The following UBE2E2 variants were observed in gnomAD, a reference collection of about 807,000 sequenced individuals.
UBE2E2 encodes the protein ubiquitin-conjugating enzyme E2 E2.
Under a neutral mutation model 24.7 loss-of-function variants are expected in UBE2E2, and 6 were observed. That is an observed-to-expected ratio of 0.24 (90% CI 0.13 to 0.48). The LOEUF is 0.48. Among genes scored for constraint, UBE2E2 ranks in the 20% least tolerant of loss-of-function variants. The pLI is 0.99. For missense variants in UBE2E2, 169 were observed against 245.0 expected, an observed-to-expected ratio of 0.69 and a Z score of 2.07; for synonymous variants, 104 against 83.6, an observed-to-expected ratio of 1.24 and a Z score of -1.33.
At chr3:23,316,779 C>A (rs1458482414) in intron 3 of UBE2E2, among the ~76,000 whole-genome samples, 1 of 152,064 alleles carries the variant, frequency 6.6e-6, no homozygotes, top group African/African-American at 2.4e-5. Context: ...GCTACTGCTG[C>A]TGATCATTTA....
intron 4 of UBE2E2, among the ~76,000 whole-genome samples, chr3:23,506,601 A>G (rs1025660627): frequency 9.2e-5 from 14 of 152,176 alleles, no homozygotes; most frequent in Admixed American, 2.6e-4. Context: ...GAAATCTCCT[A>G]TGTGGTCTTC....
intron 3 of UBE2E2, among the ~76,000 whole-genome samples, chr3:23,445,084 A>G (rs1002734353): frequency 3.3e-5 from 5 of 152,216 alleles, no homozygotes; most frequent in Non-Finnish European, 7.3e-5. Context: ...GGTTGTCATC[A>G]GTCTCTTTCA....
In UBE2E2 at chr3:23,326,712, T is replaced by C. The variant is rs200309171; in HGVS notation, c.227+109400T>C. On this transcript the variant is annotated intron_variant, in intron 3 of 5. Coordinates refer to ENST00000396703, the MANE Select transcript of UBE2E2 (RefSeq NM_152653.4). Reference sequence around the variant, plus strand: ...TTTATACTTTAAGTTCTTGGGTACATGTGCACAACGTGCAGGTTTGTTATA... The same window carrying C: ...TTTATACTTTAAGTTCTTGGGTACACGTGCACAACGTGCAGGTTTGTTATA... Among the ~76,000 whole-genome samples the C allele has an allele frequency of 3.3e-5, 5 of 152,258 alleles. No homozygotes were observed. In the East Asian group the frequency reaches 9.6e-4, roughly 29 times the overall value.
At chr3:23,440,014 G>C (rs1190744243) in intron 3 of UBE2E2, among the ~76,000 whole-genome samples, 1 of 151,404 alleles carries the variant, frequency 6.6e-6, no homozygotes, top group East Asian at 1.9e-4. Flanking sequence ...TATCACGCCT[G>C]TAATCCCAGT....
chr3:23,534,208 A>C, intron 5 of UBE2E2: 1 of 963,548 alleles, frequency 1.0e-6, no homozygotes, highest in Non-Finnish European at 1.2e-6. Context: ...GGAATCTGTT[A>C]CCCTGAATAA....
intron 3 of UBE2E2, among the ~76,000 whole-genome samples, chr3:23,323,938 T>C (rs573669697): frequency 3.9e-5 from 6 of 152,294 alleles, no homozygotes; most frequent in Non-Finnish European, 7.4e-5. Context: ...TCTTCACTTC[T>C]CCATGGCCTT....
chr3:23,550,184 T>C (rs1695611723), intron 5 of UBE2E2, among the ~76,000 whole-genome samples: 1 of 152,222 alleles, frequency 6.6e-6, no homozygotes, highest in South Asian at 2.1e-4. Context: ...CTTGATTTAA[T>C]GATTTTAATT....
At chr3:23,355,019 C>T (rs1695899067) in intron 3 of UBE2E2, among the ~76,000 whole-genome samples, 1 of 151,772 alleles carries the variant, frequency 6.6e-6, no homozygotes, top group Non-Finnish European at 1.5e-5. Flanking sequence ...GAAAATGTGG[C>T]ACATATACAC....
intron 3 of UBE2E2, among the ~76,000 whole-genome samples, chr3:23,392,981 C>T (rs1696975783): frequency 6.6e-6 from 1 of 152,256 alleles, no homozygotes; most frequent in East Asian, 1.9e-4. Context: ...GAGGATGCGG[C>T]AGAAGTGGCG....
intron 4 of UBE2E2, among the ~76,000 whole-genome samples, chr3:23,519,024 TCTC>T (rs1694804213): frequency 6.6e-6 from 1 of 152,148 alleles, no homozygotes; most frequent in Non-Finnish European, 1.5e-5. Flanking sequence ...ATCATGGCAT[TCTC>T]CTAAACTGCA....
At chr3:23,478,520 A>C (rs542211593) in intron 3 of UBE2E2, among the ~76,000 whole-genome samples, 1 of 152,372 alleles carries the variant, frequency 6.6e-6, no homozygotes, top group African/African-American at 2.4e-5. Context: ...AGTTCAATAT[A>C]AGTCAGTAGT....
chr3:23,585,348 G>A (rs1484337183), intron 5 of UBE2E2, among the ~76,000 whole-genome samples: 2 of 140,568 alleles, frequency 1.4e-5, no homozygotes, highest in Admixed American at 1.5e-4. Context: ...TCCAGCCAGG[G>A]CAACAGAGTG....
At chr3:23,429,673 G>C (rs1013774879) in intron 3 of UBE2E2, among the ~76,000 whole-genome samples, 5 of 152,136 alleles carry the variant, frequency 3.3e-5, no homozygotes, top group Admixed American at 1.3e-4. Context: ...CCTAGCTAAT[G>C]TAGTGAGATA....
chr3:23,294,994 C>T (rs555985013), intron 3 of UBE2E2, among the ~76,000 whole-genome samples: 1 of 152,202 alleles, frequency 6.6e-6, no homozygotes, highest in African/African-American at 2.4e-5. Context: ...CTTCTCTCTA[C>T]TTCCTCTTGT....
intron 5 of UBE2E2, among the ~76,000 whole-genome samples, chr3:23,553,514 G>C (rs1212542241): frequency 1.3e-5 from 2 of 152,048 alleles, no homozygotes; most frequent in African/African-American, 4.8e-5. Context: ...TCTTAAAGTA[G>C]GTTGTACATT....
chr3:23,455,834 G>A (rs1436691367), intron 3 of UBE2E2, among the ~76,000 whole-genome samples: 1 of 152,168 alleles, frequency 6.6e-6, no homozygotes, highest in Non-Finnish European at 1.5e-5. Flanking sequence ...GTTGCTGAAG[G>A]CTGGAGTAGC....
chr3:23,516,582 A>C (rs1014306001), intron 4 of UBE2E2, among the ~76,000 whole-genome samples: 9 of 152,180 alleles, frequency 5.9e-5, no homozygotes, highest in Non-Finnish European at 8.8e-5. Context: ...GTATAATATC[A>C]AAGTGAAGAC....
At chr3:23,204,991 A>C (rs1287463768) in intron 1 of UBE2E2, among the ~76,000 whole-genome samples, 1 of 152,218 alleles carries the variant, frequency 6.6e-6, no homozygotes, top group Non-Finnish European at 1.5e-5. Flanking sequence ...GTAGTCAGTA[A>C]TATTTCAAGC....
intron 3 of UBE2E2, among the ~76,000 whole-genome samples, chr3:23,245,204 C>G (rs1167201063): frequency 6.6e-6 from 1 of 152,042 alleles, no homozygotes; most frequent in East Asian, 1.9e-4. Context: ...GGAAAAAACT[C>G]CATAGAGCAC....
Sources: gnomAD v4.1 joint callset for allele counts (sites outside exome capture counted in the v4.1 genomes callset) on GRCh38, gnomAD v4.1.1 for gene constraint, MANE v1.5 for transcripts, NCBI Gene and HGNC (gene_info 2026-07-23, HGNC 2026-07-21) for gene names.